The following CAMTA1 variants were observed in gnomAD, a reference collection of about 807,000 sequenced individuals.
CAMTA1 encodes the protein calmodulin-binding transcription activator 1.
In CAMTA1, 27 loss-of-function variants were observed where a neutral mutation model predicts 170.9. The observed-to-expected ratio is 0.16, with a 90% CI of 0.12 to 0.22. CAMTA1 has a LOEUF of 0.22. CAMTA1 is among the 10% of genes least tolerant of loss of function. CAMTA1 has a pLI of 1.00. For missense variants in CAMTA1, 1,619 were observed against 2,217.2 expected (o/e 0.73, Z 5.42); for synonymous variants, 833 against 891.5 (o/e 0.93, Z 1.17).
chr1:7,647,027 G>C (rs562047860), intron 7 of CAMTA1, among the ~76,000 whole-genome samples: 12 of 152,136 alleles, frequency 7.9e-5, no homozygotes, highest in Admixed American at 7.9e-4. Context: ...GGCTGCAAAC[G>C]GGCCCCTCAT....
chr1:7,002,357 A>G (rs1213589556), intron 3 of CAMTA1, among the ~76,000 whole-genome samples: 1 of 152,182 alleles, frequency 6.6e-6, no homozygotes, highest in African/African-American at 2.4e-5. Context: ...TGGTGATCAC[A>G]TAAAACAGCG....
chr1:7,101,147 C>T (rs1431792567), intron 4 of CAMTA1, among the ~76,000 whole-genome samples: 3 of 152,320 alleles, frequency 2.0e-5, no homozygotes, highest in East Asian at 1.9e-4. Context: ...TCTGGCGCCC[C>T]GCAGGCCCCG....
chr1:7,329,419 A>G (rs1165251142), intron 5 of CAMTA1, among the ~76,000 whole-genome samples: 1 of 152,224 alleles, frequency 6.6e-6, no homozygotes, highest in African/African-American at 2.4e-5. Context: ...TTTGACACCA[A>G]GCTTAGAACC....
At chr1:7,675,738 G>C (rs1002751226) in intron 10 of CAMTA1, among the ~76,000 whole-genome samples, 2 of 152,212 alleles carry the variant, frequency 1.3e-5, no homozygotes, top group Non-Finnish European at 2.9e-5. Context: ...CTGCAGTGGA[G>C]ATGGAGAGCA....
intron 11 of CAMTA1, among the ~76,000 whole-genome samples, chr1:7,718,763 C>T (rs2096630097): frequency 6.6e-6 from 1 of 151,128 alleles, no homozygotes; most frequent in African/African-American, 2.4e-5. Context: ...CCCCATGTTT[C>T]TCAGGCTAAT....
At chr1:7,304,750 A>G (rs934524477) in intron 5 of CAMTA1, among the ~76,000 whole-genome samples, 1 of 151,880 alleles carries the variant, frequency 6.6e-6, no homozygotes, top group Non-Finnish European at 1.5e-5. Flanking sequence ...CGGTTAGAAG[A>G]TGCTCTTTAT....
At chr1:7,527,968 G>A (rs970354783) in intron 6 of CAMTA1, among the ~76,000 whole-genome samples, 1 of 152,168 alleles carries the variant, frequency 6.6e-6, no homozygotes, top group Non-Finnish European at 1.5e-5. Context: ...GGGCGCAGCG[G>A]CAAGAGCCTA....
intron 3 of CAMTA1, among the ~76,000 whole-genome samples, chr1:6,847,273 C>T (rs1557686704): frequency 1.3e-5 from 2 of 151,938 alleles, no homozygotes; most frequent in South Asian, 2.1e-4. Context: ...AAAAATGACA[C>T]TAAAGCTGTA....
At chr1:7,043,143 C>T (rs1704740730) in intron 3 of CAMTA1, among the ~76,000 whole-genome samples, 1 of 152,208 alleles carries the variant, frequency 6.6e-6, no homozygotes, top group Admixed American at 6.5e-5. Flanking sequence ...ATTTGACTGC[C>T]AAGGCCGCTG....
At chr1:6,861,790 G>A (rs1366779981) in intron 3 of CAMTA1, among the ~76,000 whole-genome samples, 2 of 152,158 alleles carry the variant, frequency 1.3e-5, no homozygotes, top group Non-Finnish European at 1.5e-5. Context: ...GCAACCATCA[G>A]CACCATCCAT....
At chr1:7,471,024 C>T (rs1019315050) in intron 6 of CAMTA1, among the ~76,000 whole-genome samples, 2 of 152,232 alleles carry the variant, frequency 1.3e-5, no homozygotes, top group African/African-American at 4.8e-5. Context: ...CGTATCCACC[C>T]CGGGGCGGGA....
At chr1:7,157,076 A>G (rs1006278331) in intron 4 of CAMTA1, among the ~76,000 whole-genome samples, 10 of 152,042 alleles carry the variant, frequency 6.6e-5, no homozygotes, top group East Asian at 5.8e-4. Flanking sequence ...GGGCGCGGTG[A>G]CTCACGCCTG....
chr1:7,297,792 T>A (rs1674186496), intron 5 of CAMTA1, among the ~76,000 whole-genome samples: 1 of 152,220 alleles, frequency 6.6e-6, no homozygotes, highest in Non-Finnish European at 1.5e-5. Context: ...TTGTGTGTTT[T>A]TTTTCTGGCA....
At chr1:7,005,467 CTTCT>C (rs1452498220) in intron 3 of CAMTA1, among the ~76,000 whole-genome samples, 3 of 152,184 alleles carry the variant, frequency 2.0e-5, no homozygotes, top group Non-Finnish European at 2.9e-5. Context: ...TTCCTTCTGC[CTTCT>C]TTTTCTTCTT....
intron 4 of CAMTA1, among the ~76,000 whole-genome samples, chr1:7,244,184 C>G (rs1212337751): frequency 6.6e-6 from 1 of 152,136 alleles, no homozygotes; most frequent in Non-Finnish European, 1.5e-5. Context: ...ATCAAAACCA[C>G]AATGAGATAC....
At chr1:7,452,067 G>A (rs1468451623) in intron 5 of CAMTA1, among the ~76,000 whole-genome samples, 1 of 152,226 alleles carries the variant, frequency 6.6e-6, no homozygotes, top group South Asian at 2.1e-4. Context: ...CAGGCCGGGG[G>A]GCTAACCCCC....
intron 6 of CAMTA1, among the ~76,000 whole-genome samples, chr1:7,597,421 C>T (rs145570581): frequency 6.6e-4 from 100 of 152,304 alleles, no homozygotes; most frequent in South Asian, 6.2e-3. Flanking sequence ...ACTCTGGCCC[C>T]GAGGCCTCCA....
intron 3 of CAMTA1, among the ~76,000 whole-genome samples, chr1:6,902,512 ACAT>A: frequency 6.6e-6 from 1 of 152,300 alleles, no homozygotes; most frequent in South Asian, 2.1e-4. Context: ...TGGGAAGAAA[ACAT>A]CAGTGGTTGC....
chr1:7,090,120 G>A (rs1019514308), intron 3 of CAMTA1, among the ~76,000 whole-genome samples: 1 of 152,032 alleles, frequency 6.6e-6, no homozygotes, highest in Non-Finnish European at 1.5e-5. Context: ...TGTGGTGGCC[G>A]GCTCCATGGG....
Sources: gnomAD v4.1 joint callset for allele counts (sites outside exome capture counted in the v4.1 genomes callset) on GRCh38, gnomAD v4.1.1 for gene constraint, MANE v1.5 for transcripts, NCBI Gene and HGNC (gene_info 2026-07-23, HGNC 2026-07-21) for gene names.